FKBP5: variants seen among roughly 807,000 people sequenced by gnomAD.
FKBP5 encodes the protein peptidyl-prolyl cis-trans isomerase FKBP5.
FKBP5 carries 23 observed loss-of-function variants against 50.5 expected under a neutral mutation model. That is an observed-to-expected ratio of 0.46 (90% CI 0.33 to 0.65). FKBP5 has a LOEUF of 0.65. Among genes scored for constraint, FKBP5 ranks in the 30% least tolerant of loss-of-function variants. FKBP5 has a pLI of 0.02. For synonymous variants in FKBP5, 176 were observed against 190.6 expected, an observed-to-expected ratio of 0.92 and a Z score of 0.63; for missense variants, 411 against 553.1, an observed-to-expected ratio of 0.74 and a Z score of 2.58.
At chr6:35,608,797 T>C (rs1417021809) in intron 5 of FKBP5, among the ~76,000 whole-genome samples, 1 of 152,134 alleles carries the variant, frequency 6.6e-6, no homozygotes, top group Non-Finnish European at 1.5e-5. Context: ...ACTGTTATTA[T>C]TGTTTTATTA....
At chr6:35,720,977 C>T (rs960169074) in intron 1 of FKBP5, among the ~76,000 whole-genome samples, 2 of 152,142 alleles carry the variant, frequency 1.3e-5, no homozygotes, top group Non-Finnish European at 2.9e-5. Context: ...TAGGATCCCA[C>T]TGGTAGTACA....
upstream of FKBP5, among the ~76,000 whole-genome samples, chr6:35,691,012 A>T (rs559341656): frequency 3.3e-5 from 5 of 152,132 alleles, no homozygotes; most frequent in East Asian, 1.9e-4. Flanking sequence ...ATCTCAAAAA[A>T]AATAATAATA....
At chr6:35,697,838 A>C (rs531302381) in intron 2 of FKBP5, among the ~76,000 whole-genome samples, 81 of 152,326 alleles carry the variant, frequency 5.3e-4, no homozygotes, top group African/African-American at 1.9e-3. Flanking sequence ...GAATATACTA[A>C]AAACCATTGT....
intron 5 of FKBP5, among the ~76,000 whole-genome samples, chr6:35,602,792 C>T (rs1763187515): frequency 6.6e-6 from 1 of 152,160 alleles, no homozygotes; most frequent in Non-Finnish European, 1.5e-5. Context: ...CAGATGCTAA[C>T]AGGCGTGGAA....
At chr6:35,639,061 A>G (rs1365417040) in intron 2 of FKBP5, among the ~76,000 whole-genome samples, 1 of 152,224 alleles carries the variant, frequency 6.6e-6, no homozygotes. Flanking sequence ...AACACAATCT[A>G]GGTTCTATTC....
chr6:35,686,964 T>C (rs1290641317), intron 1 of FKBP5, among the ~76,000 whole-genome samples: 7 of 152,186 alleles, frequency 4.6e-5, no homozygotes, highest in Non-Finnish European at 8.8e-5. Context: ...TAAAGACCAC[T>C]ATATTCTTTT....
intron 3 of FKBP5, among the ~76,000 whole-genome samples, chr6:35,629,082 C>T (rs1764079692): frequency 1.3e-5 from 2 of 151,684 alleles, no homozygotes; most frequent in Admixed American, 6.6e-5. Context: ...CCAATAGTAA[C>T]TAATCATGAA....
rs1011013557 is a variant in FKBP5 at position 35,602,951 on chromosome 6, A to G, written c.509-5547T>C. On this transcript the variant is annotated intron_variant, in intron 5 of 10. Coordinates refer to ENST00000357266, the MANE Select transcript of FKBP5 (RefSeq NM_004117.4). ...ACCAACCCTTACCAGTCTTCCCTTC[A>G]CACCACTATAGCACTTGAGTTAGAC... Among the ~76,000 whole-genome samples, 3 of 152,346 alleles carry G rather than the reference A, an allele frequency of 2.0e-5. No homozygotes were observed. The East Asian group carries it at 5.8e-4, about 29-fold the overall frequency.
chr6:35,656,199 A>C (rs1764943692), intron 1 of FKBP5, among the ~76,000 whole-genome samples: 6 of 152,228 alleles, frequency 3.9e-5, no homozygotes, highest in Admixed American at 3.3e-4. Context: ...AAGAATAAAA[A>C]ATCTCGGCCA....
intron 1 of FKBP5, among the ~76,000 whole-genome samples, chr6:35,644,016 C>CT (rs1233782633): frequency 1.3e-5 from 2 of 152,172 alleles, no homozygotes; most frequent in Non-Finnish European, 2.9e-5. Flanking sequence ...CTTAACTTCT[C>CT]TAAGATTTTT....
chr6:35,676,073 G>A (rs1298836370), intron 1 of FKBP5, among the ~76,000 whole-genome samples: 1 of 152,090 alleles, frequency 6.6e-6, no homozygotes, highest in Admixed American at 6.6e-5. Context: ...AGGACAGCTG[G>A]ACAAAAGCAG....
chr6:35,599,662 T>TG (rs781068145), intron 5 of FKBP5, among the ~76,000 whole-genome samples: 1 of 152,118 alleles, frequency 6.6e-6, no homozygotes, highest in Admixed American at 6.5e-5. Context: ...GCCTAACTCT[T>TG]GAGTCAGCTC....
intron 1 of FKBP5, among the ~76,000 whole-genome samples, chr6:35,676,426 A>C (rs1765523358): frequency 6.6e-6 from 1 of 152,234 alleles, no homozygotes; most frequent in African/African-American, 2.4e-5. Flanking sequence ...GATACTACCT[A>C]AAATCCAACC....
intron 2 of FKBP5, among the ~76,000 whole-genome samples, chr6:35,706,292 C>T (rs1426070641): frequency 1.3e-5 from 2 of 151,524 alleles, no homozygotes; most frequent in South Asian, 2.1e-4. Flanking sequence ...TGCATGGTGG[C>T]GCATGCCTGT....
chr6:35,701,300 G>A (rs1408390161), intron 2 of FKBP5, among the ~76,000 whole-genome samples: 1 of 147,564 alleles, frequency 6.8e-6, no homozygotes, highest in Non-Finnish European at 1.5e-5. Context: ...CTGGAGTGCA[G>A]TGGCGGGATC....
intron 3 of FKBP5, among the ~76,000 whole-genome samples, chr6:35,630,865 A>G (rs1040468954): frequency 3.9e-5 from 6 of 152,366 alleles, no homozygotes; most frequent in African/African-American, 1.4e-4. Context: ...AAAAACTTTT[A>G]CTTTTCCGAA....
At chr6:35,579,244 G>C (rs1161770753) in intron 9 of FKBP5, among the ~76,000 whole-genome samples, 2 of 152,102 alleles carry the variant, frequency 1.3e-5, no homozygotes, top group African/African-American at 4.8e-5. Flanking sequence ...TTGGGAGAGA[G>C]GATGCGATAG....
chr6:35,624,497 AT>A (rs34356639), intron 3 of FKBP5, among the ~76,000 whole-genome samples: 115,398 of 150,954 alleles, frequency 0.76, 44,338 homozygotes, highest in Non-Finnish European at 0.8. Flanking sequence ...AAGAAAAAAA[AT>A]TTTTTTTTTG....
At chr6:35,582,165 GA>G in intron 8 of FKBP5, 3 of 922,236 alleles carry the variant, frequency 3.3e-6, no homozygotes, top group Non-Finnish European at 3.8e-6. Context: ...TCACTTAGGA[GA>G]GGGAAGACTG....
Sources: allele counts gnomAD v4.1 joint callset (sites outside exome capture counted in the v4.1 genomes callset), GRCh38; gene constraint gnomAD v4.1.1; transcripts MANE v1.5; gene names NCBI Gene and HGNC (gene_info 2026-07-23, HGNC 2026-07-21).